Variants in CNBD1 observed in about 807,000 individuals in gnomAD.
CNBD1 encodes the protein cyclic nucleotide binding domain containing 1.
In CNBD1, 71 loss-of-function variants were observed where a neutral mutation model predicts 54.4. That is an observed-to-expected ratio of 1.30 (90% CI 1.08 to 1.59). CNBD1 has a LOEUF of 1.59. Among genes scored for constraint, CNBD1 ranks in the 40% most tolerant of loss-of-function variants. CNBD1 has a pLI of 0.00. For missense variants in CNBD1, 659 were observed against 518.0 expected (o/e 1.27, Z -2.64); for synonymous variants, 182 against 170.7 (o/e 1.07, Z -0.51).
At chr8:87,248,273 G>A (rs971762757) in intron 6 of CNBD1, among the ~76,000 whole-genome samples, 3 of 152,102 alleles carry the variant, frequency 2.0e-5, no homozygotes, top group Non-Finnish European at 2.9e-5. Flanking sequence ...AATTCATCTG[G>A]TTATAGTGCT....
At chr8:87,344,821 C>A (rs538290767) in intron 8 of CNBD1, among the ~76,000 whole-genome samples, 1 of 152,210 alleles carries the variant, frequency 6.6e-6, no homozygotes, top group South Asian at 2.1e-4. Flanking sequence ...ATCTCTGAAA[C>A]AATGCTGCTT....
At chr8:87,412,828 A>T (rs1293772764) in intron 2 of CNBD1, among the ~76,000 whole-genome samples, 1 of 152,076 alleles carries the variant, frequency 6.6e-6, no homozygotes, top group Admixed American at 6.6e-5. Context: ...TTAGGCAGTG[A>T]TGTAAATGAT....
At chr8:87,371,698 A>T (rs1209211758) in intron 10 of CNBD1, among the ~76,000 whole-genome samples, 1 of 152,062 alleles carries the variant, frequency 6.6e-6, no homozygotes, top group African/African-American at 2.4e-5. Flanking sequence ...CAAATCAATA[A>T]ATGTAATCCA....
intron 4 of CNBD1, among the ~76,000 whole-genome samples, chr8:87,015,128 A>G: frequency 6.6e-6 from 1 of 152,238 alleles, no homozygotes; most frequent in East Asian, 1.9e-4. Flanking sequence ...GTACATGAAT[A>G]CAAAACTAAA....
At chr8:87,021,077 A>C (rs1459020919) in intron 4 of CNBD1, among the ~76,000 whole-genome samples, 1 of 152,200 alleles carries the variant, frequency 6.6e-6, no homozygotes. Context: ...AAACCAAACC[A>C]GTGTATTTCT....
At chr8:87,317,958 C>G (rs892716261) in intron 8 of CNBD1, among the ~76,000 whole-genome samples, 3 of 151,738 alleles carry the variant, frequency 2.0e-5, no homozygotes, top group Non-Finnish European at 4.4e-5. Context: ...TCAAGTTCAC[C>G]AATATTTTCT....
chr8:87,267,548 A>G (rs1160537543), intron 6 of CNBD1, among the ~76,000 whole-genome samples: 1 of 152,174 alleles, frequency 6.6e-6, no homozygotes, highest in African/African-American at 2.4e-5. Flanking sequence ...TAGAGATACT[A>G]TTATATATCA....
chr8:87,219,947 T>C (rs192274155), intron 5 of CNBD1, among the ~76,000 whole-genome samples: 6 of 152,082 alleles, frequency 3.9e-5, no homozygotes, highest in Admixed American at 1.3e-4. Flanking sequence ...TTCATATTAT[T>C]ATACTAAAAA....
At chr8:86,996,830 G>A (rs1212779876) in intron 4 of CNBD1, among the ~76,000 whole-genome samples, 9 of 152,196 alleles carry the variant, frequency 5.9e-5, no homozygotes, top group Admixed American at 5.9e-4. Flanking sequence ...TATTACTACA[G>A]TTCTGGAAGC....
At chr8:87,241,681 A>T (rs1364630540) in intron 6 of CNBD1, among the ~76,000 whole-genome samples, 1 of 152,206 alleles carries the variant, frequency 6.6e-6, no homozygotes, top group Non-Finnish European at 1.5e-5. Flanking sequence ...GTGAGATTAC[A>T]AAGGCAGGGA....
In CNBD1 at chr8:87,119,352, G is replaced by A. The variant is rs1411063173; in HGVS notation, c.432-86641G>A. Among the ~76,000 whole-genome samples the A allele has an allele frequency of 2.0e-5, 3 of 151,344 alleles. No individual in the cohort carries two copies. The South Asian group carries it at 6.3e-4, about 32-fold the overall frequency. On this transcript the variant is annotated intron_variant, in intron 4 of 10. Transcript: ENST00000518476. ...TTTTTTTTGGTAGTTATTGTAAGTG[G>A]GATAGCTTGCTTGATTTTTTCTTGT...
intron 4 of CNBD1, among the ~76,000 whole-genome samples, chr8:87,107,278 C>T (rs1314083263): frequency 6.6e-6 from 1 of 152,330 alleles, no homozygotes; most frequent in East Asian, 1.9e-4. Flanking sequence ...TATAATGTCT[C>T]TGCTGCCACC....
chr8:87,327,858 A>T (rs1809718504), intron 8 of CNBD1, among the ~76,000 whole-genome samples: 1 of 151,892 alleles, frequency 6.6e-6, no homozygotes. Context: ...TAGGAGTTTT[A>T]CAGTTTAAAG....
At chr8:87,237,174 A>G in intron 6 of CNBD1, 62 bp downstream of exon 6, 1 of 1,010,546 alleles carries the variant, frequency 9.9e-7, no homozygotes, top group South Asian at 1.8e-5. Flanking sequence ...GTAAAACTTT[A>G]TCTCTTCCAG....
At chr8:86,887,659 T>G in intron 2 of CNBD1, 48 bp downstream of exon 2, 1 of 1,335,558 alleles carries the variant, frequency 7.5e-7, no homozygotes, top group Non-Finnish European at 1.0e-6. Flanking sequence ...TGAATATGAG[T>G]ATTTTTGTTT....
intron 2 of CNBD1, among the ~76,000 whole-genome samples, chr8:86,903,334 T>A (rs968204987): frequency 2.6e-5 from 4 of 152,110 alleles, no homozygotes; most frequent in African/African-American, 9.7e-5. Flanking sequence ...GGAAATAAAT[T>A]TTTTATCCAC....
chr8:87,042,615 T>C (rs192785920), intron 4 of CNBD1, among the ~76,000 whole-genome samples: 77 of 152,290 alleles, frequency 5.1e-4, no homozygotes, highest in African/African-American at 1.8e-3. Context: ...AGACCCCTTT[T>C]GGAGAGTTTT....
At chr8:87,381,262 G>A (rs916889322) in intron 10 of CNBD1, among the ~76,000 whole-genome samples, 4 of 151,958 alleles carry the variant, frequency 2.6e-5, no homozygotes, top group Admixed American at 2.0e-4. Flanking sequence ...ACATACAAAT[G>A]GCCAGCATGT....
intron 4 of CNBD1, among the ~76,000 whole-genome samples, chr8:87,028,368 A>C (rs73273676): frequency 0.023 from 3,502 of 152,282 alleles, 137 homozygotes; most frequent in African/African-American, 0.078. Context: ...GAGATCTTCT[A>C]AGACTCCCAG....
Sources: allele counts gnomAD v4.1 joint callset (sites outside exome capture counted in the v4.1 genomes callset), GRCh38; gene constraint gnomAD v4.1.1; transcripts MANE v1.5; gene names NCBI Gene and HGNC (gene_info 2026-07-23, HGNC 2026-07-21).